Variants in INTS14 observed in about 807,000 individuals in gnomAD.
The protein encoded by INTS14 is UPF0464 protein C15orf44.
INTS14 carries 27 observed loss-of-function variants against 56.9 expected under a neutral mutation model. That is an observed-to-expected ratio of 0.47 (90% CI 0.35 to 0.65). INTS14 has a LOEUF of 0.65. Among genes scored for constraint, INTS14 ranks in the 30% least tolerant of loss-of-function variants. The probability of loss-of-function intolerance (pLI) is 0.00; values close to 1 mark genes in which losing one functional copy is unlikely to be tolerated. For synonymous variants in INTS14, 207 were observed against 236.2 expected, an observed-to-expected ratio of 0.88 and a Z score of 1.13; for missense variants, 517 against 632.2, an observed-to-expected ratio of 0.82 and a Z score of 1.95.
intron 1 of INTS14, among the ~76,000 whole-genome samples, chr15:65,608,453 T>C (rs896836012): frequency 2.6e-5 from 4 of 151,804 alleles, no homozygotes; most frequent in African/African-American, 7.3e-5. Context: ...AATGGAGTTA[T>C]TCAAAATTAT....
chr15:65,599,834 A>G lies in INTS14; in HGVS notation c.426T>C (p.Phe142=). The change falls in exon 4 of 12, where the codon TTT becomes TTC. Residue 142 remains phenylalanine, a synonymous_variant. Coordinates refer to ENST00000313182, the MANE Select transcript of INTS14 (RefSeq NM_001394796.1). ...TAGATGGGAAAGGAAAAGGTAGTGGAAACCTGTTGCTCTCACTTCGTTGAT... is the reference window on the plus strand; with the variant it reads ...TAGATGGGAAAGGAAAAGGTAGTGGGAACCTGTTGCTCTCACTTCGTTGAT... ...TQNQRSESNR[F]PLPFPFPSKL... 1 of 1,614,258 alleles carries G rather than the reference A, an allele frequency of 6.2e-7. No individual in the cohort carries two copies. The highest frequency in any genetic ancestry group is 2.2e-5 in the East Asian group (1 of 44,896).
At chr15:65,607,562 T>A in intron 1 of INTS14, 120 bp from the exon 2 acceptor site, 2 of 1,166,522 alleles carry the variant, frequency 1.7e-6, no homozygotes, top group Non-Finnish European at 2.4e-6. Flanking sequence ...AGGTGAGGAA[T>A]AATCTGTAGA....
chr15:65,597,347 G>A (rs756090886), intron 6 of INTS14, among the ~76,000 whole-genome samples: 4 of 152,128 alleles, frequency 2.6e-5, no homozygotes, highest in Non-Finnish European at 4.4e-5. Context: ...TAAGTGTCAG[G>A]CACTATGCTG....
At chr15:65,597,536 C>T (rs546589021) in intron 6 of INTS14, among the ~76,000 whole-genome samples, 3 of 152,314 alleles carry the variant, frequency 2.0e-5, no homozygotes, top group South Asian at 2.1e-4. Context: ...ATTGGCAACA[C>T]GAACCAGGTA....
chr15:65,591,494 C>T, intron 9 of INTS14, 104 bp downstream of exon 9: 3 of 1,439,708 alleles, frequency 2.1e-6, no homozygotes, highest in Non-Finnish European at 2.8e-6. Context: ...CCATGGCATA[C>T]CAGTAAGGGA....
chr15:65,610,694 T>A (rs1172991034), intron 1 of INTS14: 1 of 1,535,606 alleles, frequency 6.5e-7, no homozygotes, highest in Admixed American at 2.0e-5. Flanking sequence ...ACCTGCTCTT[T>A]GGCTTTCCCG....
chr15:65,603,119 T>G (rs2073502209), intron 3 of INTS14, among the ~76,000 whole-genome samples: 1 of 152,210 alleles, frequency 6.6e-6, no homozygotes, highest in African/African-American at 2.4e-5. Context: ...ATGCATGGAT[T>G]TACCAAAATA....
intron 9 of INTS14, among the ~76,000 whole-genome samples, chr15:65,589,593 C>A (rs2072949732): frequency 6.6e-6 from 1 of 152,222 alleles, no homozygotes; most frequent in African/African-American, 2.4e-5. Flanking sequence ...TCCCTAACAG[C>A]TGTAACTTTG....
intron 3 of INTS14, among the ~76,000 whole-genome samples, chr15:65,602,167 A>G (rs2073458570): frequency 6.6e-6 from 1 of 152,126 alleles, no homozygotes; most frequent in African/African-American, 2.4e-5. Context: ...TTGAGCCCGG[A>G]GGCAGAGGCT....
At chr15:65,593,916 AATTG>A (rs1253119386) in intron 7 of INTS14, among the ~76,000 whole-genome samples, 1 of 152,186 alleles carries the variant, frequency 6.6e-6, no homozygotes, top group Non-Finnish European at 1.5e-5. Context: ...AAAGTTCTCA[AATTG>A]ATTGTGGTGA....
chr15:65,598,819 A>G, intron 5 of INTS14, 53 bp downstream of exon 5: 1 of 1,370,320 alleles, frequency 7.3e-7, no homozygotes, highest in Non-Finnish European at 1.0e-6. Context: ...CTGGATGTCA[A>G]ATTATAATAC....
chr15:65,608,968 G>T (rs1405702985), intron 1 of INTS14, among the ~76,000 whole-genome samples: 1 of 152,180 alleles, frequency 6.6e-6, no homozygotes, highest in Admixed American at 6.5e-5. Flanking sequence ...CGCGATCTCC[G>T]CTCACTGCAA....
intron 1 of INTS14, 124 bp downstream of exon 1, chr15:65,610,974 G>A (rs1363046297): frequency 1.3e-6 from 2 of 1,489,034 alleles, no homozygotes; most frequent in Non-Finnish European, 1.8e-6. Context: ...ACAGCGCGGG[G>A]CGGCCGCCAC....
rs748413263 is a variant in INTS14, at chr15:65,591,652, C to T, written c.1066G>A (p.Gly356Ser). ...CCTAGCCATGGGAGAGGTTCTGGGC[C>T]AGGCTCAAAGAGAGACATCATGAGG... ...SNLMMSLFEP[G>S]PEPLPWLGKM... is the part of the protein sequence containing the mutation. Residue 356 changes from glycine to serine, a missense_variant, in exon 9 of 12, where the codon GGC (glycine) becomes AGC (serine). By Grantham distance (56) the Gly-to-Ser change is moderately conservative. Transcript: ENST00000313182. 1.2e-6 allele frequency: 2 copies of T among 1,614,184 alleles called. No homozygotes were observed. Among genetic ancestry groups the T allele is most frequent in the South Asian group, 2.2e-5 (2 of 91,078 alleles).
chr15:65,602,146 A>C (rs1441177827), intron 3 of INTS14, among the ~76,000 whole-genome samples: 1 of 152,154 alleles, frequency 6.6e-6, no homozygotes, highest in Non-Finnish European at 1.5e-5. Context: ...TGGCTGAGTC[A>C]TGAGAATCAT....
At position 65,591,550 on chromosome 15, in the gene INTS14, C is replaced by G. The variant is rs768844350; in HGVS notation, c.1120+48G>C. On this transcript the variant is annotated intron_variant, in intron 9 of 11. Coordinates refer to ENST00000313182, the MANE Select transcript of INTS14 (RefSeq NM_001394796.1). ...GCACAGTCAGAGACATTGAGAACAG[C>G]AGAATGAAAACAAAGTCAGGATAAG... 11 of 1,596,144 alleles carry G rather than the reference C, an allele frequency of 6.9e-6. No individual in the cohort carries two copies. In the Admixed American group the frequency reaches 1.2e-4, roughly 17 times the overall value.
chr15:65,596,819 C>A (rs2141291333), intron 6 of INTS14, among the ~76,000 whole-genome samples: 1 of 152,296 alleles, frequency 6.6e-6, no homozygotes, highest in East Asian at 1.9e-4. Flanking sequence ...CCGCCTTGGC[C>A]TCCCAAACTG....
Position 65,607,302 on chromosome 15 carries a change from G to A in INTS14, c.79C>T (p.Arg27Cys), listed in dbSNP as rs768104124. ...AAACCATGGGCTGCTAGGTGCTTAC[G>A]CTGGTATTCCTCGGACCCCTCAATA... ...VSIEGSEEYQRKHLAAHGLTM... is the reference protein window; with the variant it reads ...VSIEGSEEYQCKHLAAHGLTM... The change falls in exon 2 of 12, where the codon CGT (arginine) becomes TGT (cysteine). Residue 27 changes from arginine (R) to cysteine (C), a missense_variant. By Grantham distance (180) the Arg-to-Cys change is radical. Coordinates refer to ENST00000313182, the MANE Select transcript of INTS14 (RefSeq NM_001394796.1). The A allele has an allele frequency of 5.6e-6, 9 of 1,614,034 alleles. No individual in the cohort carries two copies. In the South Asian group the frequency reaches 8.8e-5, roughly 16 times the overall value.
chr15:65,583,574 T>C (rs1369337356), intron 10 of INTS14, among the ~76,000 whole-genome samples: 1 of 152,122 alleles, frequency 6.6e-6, no homozygotes, highest in Non-Finnish European at 1.5e-5. Flanking sequence ...GGTTTCCTTT[T>C]GGAGTGATTA....
Sources: gnomAD v4.1 joint callset for allele counts (sites outside exome capture counted in the v4.1 genomes callset) on GRCh38, gnomAD v4.1.1 for gene constraint, MANE v1.5 for transcripts, NCBI Gene and HGNC (gene_info 2026-07-23, HGNC 2026-07-21) for gene names.